The following POLR2F variants were observed in gnomAD, a reference collection of about 807,000 sequenced individuals.
POLR2F encodes DNA-directed RNA polymerases I, II, and III subunit RPABC2.
POLR2F carries 12 observed loss-of-function variants against 22.7 expected under a neutral mutation model. The observed-to-expected ratio is 0.53, with a 90% CI of 0.34 to 0.86. The LOEUF is 0.86. Ranked by LOEUF, POLR2F falls within the 40% of genes least tolerant of loss-of-function variation. The pLI, the probability that POLR2F is intolerant of heterozygous loss-of-function variation, is 0.02. For synonymous variants in POLR2F, 57 were observed against 66.0 expected (o/e 0.86, Z 0.66); for missense variants, 126 against 171.5 (o/e 0.73, Z 1.48).
At chr22:37,995,912 TC>T (rs958827662) in intron 1 of POLR2F, among the ~76,000 whole-genome samples, 61 of 151,886 alleles carry the variant, frequency 4.0e-4, no homozygotes, top group African/African-American at 1.1e-3. Context: ...AGTGAGAGAA[TC>T]ACCTGAGCCT....
chr22:37,955,844 G>A (rs1323116237), intron 1 of POLR2F, among the ~76,000 whole-genome samples: 6 of 151,190 alleles, frequency 4.0e-5, no homozygotes, highest in South Asian at 4.2e-4. Context: ...CACCACACCC[G>A]GCTAATTTTT....
downstream of POLR2F, chr22:37,973,463 CTGGGCGGGGGG>C (rs1932119858): frequency 1.4e-6 from 2 of 1,399,082 alleles, no homozygotes. Flanking sequence ...GGGGCAGGGG[CTGGGCGGGGGG>C]TGGTGGCGAC....
chr22:38,018,840 G>A (rs959710934), intron 1 of POLR2F, among the ~76,000 whole-genome samples: 2 of 152,128 alleles, frequency 1.3e-5, no homozygotes, highest in Non-Finnish European at 2.9e-5. Context: ...GAGGAGGCCA[G>A]TGTGTGGTGC....
intron 1 of POLR2F, among the ~76,000 whole-genome samples, chr22:38,004,926 AAG>A (rs1416284624): frequency 1.3e-5 from 2 of 152,176 alleles, no homozygotes; most frequent in Non-Finnish European, 2.9e-5. Context: ...CCTGGGCAAA[AAG>A]AGTGAAACTC....
intron 1 of POLR2F, among the ~76,000 whole-genome samples, chr22:37,989,071 C>T (rs992074513): frequency 6.6e-6 from 1 of 152,120 alleles, no homozygotes; most frequent in Admixed American, 6.5e-5. Flanking sequence ...TAGGCCACCT[C>T]CACCTTTGGA....
At chr22:38,007,566 T>C (rs1481861605) in intron 1 of POLR2F, among the ~76,000 whole-genome samples, 1 of 152,138 alleles carries the variant, frequency 6.6e-6, no homozygotes, top group Non-Finnish European at 1.5e-5. Context: ...CAAGACCCGC[T>C]TTCACGTCTG....
intron 1 of POLR2F, among the ~76,000 whole-genome samples, chr22:38,022,789 A>G (rs1320197606): frequency 6.6e-6 from 1 of 151,668 alleles, no homozygotes; most frequent in Non-Finnish European, 1.5e-5. Context: ...GAGGCAGGAG[A>G]ATCACTTGAG....
At position 37,974,699 on chromosome 22, in the gene POLR2F, T is replaced by G. The variant is rs1932173077; in HGVS notation, c.293+7529T>G. Among the ~76,000 whole-genome samples, 2 of 152,210 alleles carry G rather than the reference T, an allele frequency of 1.3e-5. No individual in the cohort carries two copies. The highest frequency in any genetic ancestry group is 4.8e-5 in the African/African-American group (2 of 41,448). ...TCTTAGATTGATCTCTAGTTGTTTATGAAATTCTCAAATCTTAGGGATGGG... is the reference window on the plus strand; with the variant it reads ...TCTTAGATTGATCTCTAGTTGTTTAGGAAATTCTCAAATCTTAGGGATGGG... On this transcript the variant is annotated intron_variant, in intron 4 of 4. Coordinates refer to the POLR2F transcript ENST00000405557. This position sits in a 1 kb window ranked among gnomAD's most constrained non-coding sequence, Gnocchi z 5.4.
At chr22:37,972,154 G>T (rs1932077461), downstream of POLR2F, 3 of 547,182 alleles carry the variant, frequency 5.5e-6, no homozygotes, top group African/African-American at 2.9e-5. Context: ...GGGGGGAGGG[G>T]AAGGGGGTGG....
At chr22:38,010,265 C>T (rs1048444944) in intron 1 of POLR2F, among the ~76,000 whole-genome samples, 2 of 151,966 alleles carry the variant, frequency 1.3e-5, no homozygotes, top group African/African-American at 4.8e-5. Flanking sequence ...GTCCCAGCTA[C>T]TCGGGAGGCT....
At chr22:37,991,329 G>A (rs1932723923) in intron 1 of POLR2F, among the ~76,000 whole-genome samples, 1 of 152,102 alleles carries the variant, frequency 6.6e-6, no homozygotes, top group East Asian at 1.9e-4. Context: ...ATGTTGGCCA[G>A]GCTGGTCTTG....
upstream of POLR2F, chr22:37,984,134 G>T: frequency 5.5e-6 from 1 of 181,202 alleles, no homozygotes. This position sits in a 1 kb window ranked among gnomAD's most constrained non-coding sequence, Gnocchi z 4.4. Context: ...TGATAAGGAA[G>T]AAAAAAACGG....
intron 1 of POLR2F, among the ~76,000 whole-genome samples, chr22:37,992,530 G>A (rs766291286): frequency 7.9e-5 from 12 of 152,106 alleles, no homozygotes; most frequent in Non-Finnish European, 1.5e-4. Flanking sequence ...GACTAGCTGG[G>A]ATTACAAGTG....
chr22:37,961,933 G>A (rs1931659274), intron 3 of POLR2F, among the ~76,000 whole-genome samples: 1 of 151,910 alleles, frequency 6.6e-6, no homozygotes, highest in Non-Finnish European at 1.5e-5. Flanking sequence ...ATGGAAATTA[G>A]CCTAGAAAGA....
chr22:38,012,970 G>A (rs1275601752), intron 1 of POLR2F, among the ~76,000 whole-genome samples: 1 of 152,150 alleles, frequency 6.6e-6, no homozygotes, highest in Non-Finnish European at 1.5e-5. Context: ...CTGTCCATCA[G>A]AAGTGAGTCA....
Position 37,967,818 on chromosome 22 carries a change from T to C in POLR2F, c.*103T>C. 2 of 1,476,080 alleles carry C rather than the reference T, an allele frequency of 1.4e-6. No homozygotes were observed. The highest frequency in any genetic ancestry group is 1.8e-6 in the Non-Finnish European group (2 of 1,116,420). The allele number at this position is 1,476,080 out of a possible 1,614,324, so 91.4% of individuals were successfully genotyped here. On this transcript the variant is annotated 3_prime_UTR_variant, in exon 5 of 5. Transcript: ENST00000442738. ...ACTTTCCAACCCCCTTCCCCTCTGC[T>C]TATCTGCAATGTCACCACCTGTTGC...
At chr22:38,004,492 C>G (rs568362838) in intron 1 of POLR2F, among the ~76,000 whole-genome samples, 3 of 152,160 alleles carry the variant, frequency 2.0e-5, no homozygotes, top group African/African-American at 7.2e-5. Context: ...CATATCTACT[C>G]GCTGAGTTCT....
downstream of POLR2F, among the ~76,000 whole-genome samples, chr22:37,970,313 A>C (rs1286978326): frequency 2.8e-5 from 4 of 143,412 alleles, no homozygotes; most frequent in African/African-American, 5.3e-5. Context: ...AAAAGAGTGG[A>C]GATAATAGGC....
At chr22:38,024,984 G>A (rs1011059136) in intron 1 of POLR2F, among the ~76,000 whole-genome samples, 1 of 152,096 alleles carries the variant, frequency 6.6e-6, no homozygotes, top group Admixed American at 6.5e-5. Context: ...CACCAGGGAT[G>A]CCTGGAATGT....
Sources: gnomAD v4.1 joint callset for allele counts (sites outside exome capture counted in the v4.1 genomes callset) on GRCh38, gnomAD v4.1.1 for gene constraint, Gnocchi (gnomAD v3.1) non-coding constraint, MANE v1.5 for transcripts, NCBI Gene and HGNC (gene_info 2026-07-23, HGNC 2026-07-21) for gene names.